The following POT1 variants were observed in gnomAD, a reference collection of about 807,000 sequenced individuals.
POT1 encodes the protein protection of telomeres 1.
Under a neutral mutation model 78.5 loss-of-function variants are expected in POT1, and 47 were observed. That is an observed-to-expected ratio of 0.60 (90% CI 0.47 to 0.76). The LOEUF (loss-of-function observed/expected upper bound fraction) is 0.76, where lower values mean the gene tolerates loss of function less well. Ranked by LOEUF, POT1 falls within the 30% of genes least tolerant of loss-of-function variation. The pLI, the probability that POT1 is intolerant of heterozygous loss-of-function variation, is 0.00. For missense variants in POT1, 646 were observed against 749.9 expected, an observed-to-expected ratio of 0.86 and a Z score of 1.62; for synonymous variants, 259 against 260.7, an observed-to-expected ratio of 0.99 and a Z score of 0.06.
At chr7:124,896,697 A>C (rs1796499573) in intron 5 of POT1, among the ~76,000 whole-genome samples, 1 of 151,782 alleles carries the variant, frequency 6.6e-6, no homozygotes, top group Non-Finnish European at 1.5e-5. Flanking sequence ...AGCTATATCT[A>C]TGCTATAAAA....
chr7:124,897,339 T>A (rs1191241755), intron 4 of POT1, 127 bp from the exon 5 acceptor site: 7 of 368,646 alleles, frequency 1.9e-5, no homozygotes, highest in Non-Finnish European at 3.5e-5. Flanking sequence ...GACATAAAGT[T>A]ATGGCTTACA....
chr7:124,909,795 T>G (rs1478850323), intron 3 of POT1, among the ~76,000 whole-genome samples: 1 of 151,928 alleles, frequency 6.6e-6, no homozygotes, highest in Non-Finnish European at 1.5e-5. Context: ...GTAGATGTAC[T>G]ATACATGTTT....
chr7:124,831,077 T>C (rs1794747859), intron 15 of POT1, among the ~76,000 whole-genome samples: 4 of 152,082 alleles, frequency 2.6e-5, no homozygotes, highest in Non-Finnish European at 5.9e-5. Flanking sequence ...ACTAGACATC[T>C]AGGAAATACA....
chr7:124,836,707 A>AT (rs1794908066), intron 14 of POT1, among the ~76,000 whole-genome samples: 1 of 152,224 alleles, frequency 6.6e-6, no homozygotes, highest in Admixed American at 6.5e-5. Context: ...AAACTCTGGT[A>AT]TAACAGTTTC....
chr7:124,885,290 C>T (rs1483500015), intron 6 of POT1, among the ~76,000 whole-genome samples: 3 of 72,328 alleles, frequency 4.1e-5, no homozygotes, highest in Non-Finnish European at 9.5e-5. Flanking sequence ...ACCTCCATCT[C>T]TCCAAAAAAA....
At chr7:124,910,520 A>G (rs750449613) in intron 3 of POT1, among the ~76,000 whole-genome samples, 10 of 151,950 alleles carry the variant, frequency 6.6e-5, no homozygotes, top group Non-Finnish European at 1.2e-4. Flanking sequence ...TAATATTATT[A>G]GTTAAATTTT....
rs1309973927 is a variant in POT1 at position 124,865,691 on chromosome 7, TTTTA to T, written c.256-2055_256-2052del. ...TTCACTTAATTCCTTTTTTAAGTTA[TTTTA>T]TTTATTAATTATTATTATTATTATT... On this transcript the variant is annotated intron_variant, in intron 7 of 18. Coordinates refer to ENST00000357628, the MANE Select transcript of POT1 (RefSeq NM_015450.3). 2.6e-5 allele frequency among the ~76,000 whole-genome samples: 4 copies of T among 151,470 alleles called. No homozygotes were observed. The East Asian group carries it at 5.8e-4, about 22-fold the overall frequency.
chr7:124,917,593 G>A (rs1164749057), intron 2 of POT1, among the ~76,000 whole-genome samples: 1 of 151,986 alleles, frequency 6.6e-6, no homozygotes, highest in Non-Finnish European at 1.5e-5. Flanking sequence ...CAACATATGA[G>A]GCATACAAAA....
At chr7:124,890,376 G>A (rs1316070839) in intron 6 of POT1, among the ~76,000 whole-genome samples, 1 of 151,878 alleles carries the variant, frequency 6.6e-6, no homozygotes. Flanking sequence ...AAGGTGTTAT[G>A]AATATTTTTG....
chr7:124,861,457 T>G (rs138970551), intron 8 of POT1, among the ~76,000 whole-genome samples: 1 of 152,214 alleles, frequency 6.6e-6, no homozygotes, highest in African/African-American at 2.4e-5. Flanking sequence ...GGGTTGTTTT[T>G]TCTTGTAAAT....
At chr7:124,926,909 C>A (rs1797288832) in intron 2 of POT1, among the ~76,000 whole-genome samples, 1 of 152,026 alleles carries the variant, frequency 6.6e-6, no homozygotes, top group African/African-American at 2.4e-5. Context: ...CAGAGATGGA[C>A]AATGGAAACT....
chr7:124,916,430 A>T (rs910510432), intron 2 of POT1, among the ~76,000 whole-genome samples: 3 of 152,202 alleles, frequency 2.0e-5, no homozygotes, highest in African/African-American at 7.2e-5. Context: ...TAAAAAGTTA[A>T]TCTGTAAATC....
chr7:124,860,746 A>C lies in POT1; in HGVS notation c.547-1634T>G, dbSNP rs182542173. ...TACGTTAGGTATTTCTCCTAACGCTATCTCTCCCCCAGCCCCCTACCCCAC... is the reference window on the plus strand; with the variant it reads ...TACGTTAGGTATTTCTCCTAACGCTCTCTCTCCCCCAGCCCCCTACCCCAC... On this transcript the variant is annotated intron_variant, in intron 8 of 18. Transcript: ENST00000357628. Among the ~76,000 whole-genome samples the C allele has an allele frequency of 7.9e-5, 12 of 152,038 alleles. No individual in the cohort carries two copies. In the East Asian group the frequency reaches 1.4e-3, roughly 17 times the overall value.
chr7:124,910,733 C>A (rs888067835), intron 3 of POT1, among the ~76,000 whole-genome samples: 2 of 151,892 alleles, frequency 1.3e-5, no homozygotes, highest in South Asian at 4.1e-4. Context: ...GAATTTGCAT[C>A]TCTTTACATC....
intron 7 of POT1, 111 bp from the exon 8 acceptor site, chr7:124,863,751 G>C (rs766309976): frequency 3.6e-6 from 3 of 834,360 alleles, no homozygotes; most frequent in Non-Finnish European, 5.7e-6. Context: ...GCATAATTAA[G>C]AGAGGGCATT....
intron 2 of POT1, among the ~76,000 whole-genome samples, chr7:124,918,150 T>C (rs904108539): frequency 6.6e-6 from 1 of 152,176 alleles, no homozygotes; most frequent in Non-Finnish European, 1.5e-5. Flanking sequence ...CCAAATGCCA[T>C]CCATAACTAG....
intron 7 of POT1, among the ~76,000 whole-genome samples, chr7:124,867,850 A>G (rs919035958): frequency 7.2e-5 from 11 of 151,880 alleles, no homozygotes; most frequent in African/African-American, 2.7e-4. Flanking sequence ...GTTTCACCAT[A>G]CTGGCCAGGC....
intron 6 of POT1, among the ~76,000 whole-genome samples, chr7:124,876,890 G>C (rs1222949614): frequency 6.6e-6 from 1 of 152,130 alleles, no homozygotes; most frequent in African/African-American, 2.4e-5. Flanking sequence ...AGGCAAAAAA[G>C]TCAGAACCAA....
Position 124,867,283 on chromosome 7 carries a change from C to T in POT1, c.255+3628G>A, listed in dbSNP as rs565922724. 2.3e-3 allele frequency among the ~76,000 whole-genome samples: 126 copies of T among 55,236 alleles called. 2 individuals are homozygous for T. The highest frequency in any genetic ancestry group is 2.5e-3 in the Non-Finnish European group (71 of 28,456). 36.2% of individuals were successfully genotyped at this position (55,236 alleles called of 152,430 possible). On this transcript the variant is annotated intron_variant, in intron 7 of 18. Transcript: ENST00000357628. ...GCCTTCATGCTTGTTCTTCAACAACCCATCTGTTATCCACGTTAGTAAGAG... is the reference window on the plus strand; with the variant it reads ...GCCTTCATGCTTGTTCTTCAACAACTCATCTGTTATCCACGTTAGTAAGAG...
Sources: gnomAD v4.1 joint callset for allele counts (sites outside exome capture counted in the v4.1 genomes callset) on GRCh38, gnomAD v4.1.1 for gene constraint, MANE v1.5 for transcripts, NCBI Gene and HGNC (gene_info 2026-07-23, HGNC 2026-07-21) for gene names.